Variants in NELL1 observed in about 807,000 individuals in gnomAD.
NELL1 encodes the protein neural EGFL like 1.
In NELL1, 76 loss-of-function variants were observed where a neutral mutation model predicts 107.4. That is an observed-to-expected ratio of 0.71 (90% CI 0.59 to 0.86). The LOEUF (loss-of-function observed/expected upper bound fraction) is 0.86. Ranked by LOEUF, NELL1 falls within the 40% of genes least tolerant of loss-of-function variation. NELL1 has a pLI of 0.00. For missense variants in NELL1, 1,024 were observed against 1,005.5 expected, an observed-to-expected ratio of 1.02 and a Z score of -0.25; for synonymous variants, 353 against 341.2, an observed-to-expected ratio of 1.03 and a Z score of -0.38.
intron 17 of NELL1, among the ~76,000 whole-genome samples, chr11:21,569,435 G>A (rs1232102119): frequency 1.3e-5 from 2 of 151,106 alleles, no homozygotes; most frequent in East Asian, 4.0e-4. Context: ...CACAAGATAA[G>A]TATTAAATAC....
intron 14 of NELL1, among the ~76,000 whole-genome samples, chr11:21,270,776 T>C (rs562829124): frequency 1.3e-5 from 2 of 152,084 alleles, no homozygotes; most frequent in East Asian, 1.9e-4. Context: ...ATGTTCTGGG[T>C]CATAAAGCAG....
chr11:20,671,679 A>G (rs541066965), intron 1 of NELL1, among the ~76,000 whole-genome samples: 2 of 152,300 alleles, frequency 1.3e-5, no homozygotes, highest in African/African-American at 4.8e-5. Flanking sequence ...TTTCTTATGC[A>G]AAGAGGAAAT....
At chr11:20,921,517 T>G (rs1850375650) in intron 7 of NELL1, among the ~76,000 whole-genome samples, 1 of 152,024 alleles carries the variant, frequency 6.6e-6, no homozygotes, top group Admixed American at 6.6e-5. Context: ...AGTTCATGGT[T>G]TGACAAGAAA....
intron 13 of NELL1, among the ~76,000 whole-genome samples, chr11:21,214,131 T>C (rs528562527): frequency 6.6e-6 from 1 of 151,812 alleles, no homozygotes; most frequent in East Asian, 1.9e-4. Flanking sequence ...ACCAGAAGAG[T>C]TTCAGATTTC....
In NELL1 at chr11:21,183,062, G is replaced by A. The variant is rs563905655; in HGVS notation, c.1427-46270G>A. On this transcript the variant is annotated intron_variant, in intron 13 of 19. Transcript: ENST00000357134. Reference sequence around the variant, plus strand: ...ACGGCTGGCAAAATAAAGATGTGGTGTTTACAGTTCCAGTCCCAGCACCAC... The same window carrying A: ...ACGGCTGGCAAAATAAAGATGTGGTATTTACAGTTCCAGTCCCAGCACCAC... Among the ~76,000 whole-genome samples, 219 of 152,020 alleles carry A rather than the reference G, an allele frequency of 1.4e-3. 3 individuals are homozygous for A. The highest frequency in any genetic ancestry group is 5.2e-3 in the African/African-American group (214 of 41,278).
chr11:21,569,062 C>T (rs1857037563), intron 17 of NELL1, among the ~76,000 whole-genome samples: 1 of 151,748 alleles, frequency 6.6e-6, no homozygotes, highest in South Asian at 2.1e-4. Flanking sequence ...TCATTACAAA[C>T]ACATGCATGA....
intron 4 of NELL1, among the ~76,000 whole-genome samples, chr11:20,865,209 T>A (rs1232728428): frequency 2.0e-5 from 3 of 152,168 alleles, no homozygotes; most frequent in African/African-American, 7.2e-5. Context: ...CGAATACAAC[T>A]TTTGCAGGAT....
Position 20,885,470 on chromosome 11 carries a change from C to T in NELL1, c.533C>T (p.Pro178Leu). Residue 178 changes from proline to leucine, a missense_variant, in exon 5 of 20, where the codon CCA (proline) becomes CTA (leucine). Transcript: ENST00000357134. ...ATTTATGAGCGTGTGATAGACCCTCCAGATACCAACCTTCCCCCAGGAATC... is the reference window on the plus strand; with the variant it reads ...ATTTATGAGCGTGTGATAGACCCTCTAGATACCAACCTTCCCCCAGGAATC... ...NRIYERVIDP[P>L]DTNLPPGINL... 1 of 1,612,940 alleles carries T rather than the reference C, an allele frequency of 6.2e-7. No homozygotes were observed. The highest frequency in any genetic ancestry group is 2.2e-5 in the East Asian group (1 of 44,874).
At chr11:20,842,308 G>A (rs1167219188) in intron 3 of NELL1, among the ~76,000 whole-genome samples, 2 of 151,880 alleles carry the variant, frequency 1.3e-5, no homozygotes. Flanking sequence ...AACATGGGAG[G>A]TGGAGGTTGC....
At chr11:21,040,628 A>G (rs926471344) in intron 12 of NELL1, among the ~76,000 whole-genome samples, 3 of 152,180 alleles carry the variant, frequency 2.0e-5, no homozygotes, top group Non-Finnish European at 2.9e-5. Context: ...GATTTTCTCC[A>G]TCAGTATCAT....
intron 12 of NELL1, among the ~76,000 whole-genome samples, chr11:20,977,264 ATTT>A (rs558154042): frequency 1.9e-4 from 25 of 131,122 alleles, no homozygotes; most frequent in South Asian, 5.0e-4. Context: ...AATTAAATCT[ATTT>A]TTTTTTTTTT....
At chr11:21,095,707 T>C (rs1456042305) in intron 12 of NELL1, among the ~76,000 whole-genome samples, 1 of 151,966 alleles carries the variant, frequency 6.6e-6, no homozygotes, top group East Asian at 1.9e-4. Context: ...ACCTCCTGGG[T>C]TCAAGTGATT....
At chr11:21,028,855 C>T (rs1271557735) in intron 12 of NELL1, among the ~76,000 whole-genome samples, 1 of 152,082 alleles carries the variant, frequency 6.6e-6, no homozygotes, top group Non-Finnish European at 1.5e-5. Flanking sequence ...TTAAAAAGCT[C>T]TCAAGTTATT....
At chr11:21,119,172 T>C (rs927084690) in intron 13 of NELL1, among the ~76,000 whole-genome samples, 42 of 152,018 alleles carry the variant, frequency 2.8e-4, no homozygotes, top group Admixed American at 8.5e-4. Context: ...TAGTTTAGTA[T>C]TGGATGTTTC....
chr11:20,945,020 T>A (rs1850933971), intron 10 of NELL1, among the ~76,000 whole-genome samples: 1 of 152,194 alleles, frequency 6.6e-6, no homozygotes, highest in Non-Finnish European at 1.5e-5. Flanking sequence ...AGGAAGAAAA[T>A]GGGAATCACT....
intron 12 of NELL1, among the ~76,000 whole-genome samples, chr11:21,047,644 T>C (rs563594292): frequency 4.6e-5 from 7 of 152,208 alleles, no homozygotes; most frequent in Non-Finnish European, 1.0e-4. Flanking sequence ...ATCTTGGAGC[T>C]ATCTTTCTGA....
Position 21,302,387 on chromosome 11 carries a change from A to G in NELL1, c.1550-68466A>G, listed in dbSNP as rs541573427. 2.7e-4 allele frequency among the ~76,000 whole-genome samples: 41 copies of G among 152,176 alleles called. No homozygotes were observed. In the South Asian group the frequency reaches 8.3e-3, roughly 31 times the overall value. Reference sequence around the variant, plus strand: ...TACTGAATGATAGATGGATTCTGACAAGGAAGCTTCCAGAAAACCATGTTC... The same window carrying G: ...TACTGAATGATAGATGGATTCTGACGAGGAAGCTTCCAGAAAACCATGTTC... On this transcript the variant is annotated intron_variant, in intron 14 of 19. Coordinates refer to ENST00000357134, the MANE Select transcript of NELL1 (RefSeq NM_006157.5).
At chr11:21,274,518 C>A (rs190078862) in intron 14 of NELL1, among the ~76,000 whole-genome samples, 9 of 152,164 alleles carry the variant, frequency 5.9e-5, no homozygotes, top group Non-Finnish European at 1.0e-4. Context: ...ACGATATCCA[C>A]GAATTGAACT....
chr11:21,457,068 AAAT>A (rs1853765465), intron 15 of NELL1, among the ~76,000 whole-genome samples: 1 of 152,194 alleles, frequency 6.6e-6, no homozygotes, highest in Admixed American at 6.5e-5. Context: ...GTAAATAAAT[AAAT>A]TTAAAGAAGT....
Sources: gnomAD v4.1 joint callset for allele counts (sites outside exome capture counted in the v4.1 genomes callset) on GRCh38, gnomAD v4.1.1 for gene constraint, MANE v1.5 for transcripts, NCBI Gene and HGNC (gene_info 2026-07-23, HGNC 2026-07-21) for gene names.